Variants in HEBP1 observed in about 807,000 individuals in gnomAD.
The protein encoded by HEBP1 is heme-binding protein 1.
HEBP1 carries 13 observed loss-of-function variants against 20.4 expected under a neutral mutation model. That is an observed-to-expected ratio of 0.64 (90% CI 0.42 to 1.01). The LOEUF (loss-of-function observed/expected upper bound fraction) is 1.01. Among genes scored for constraint, HEBP1 ranks in the 50% least tolerant of loss-of-function variants. The pLI is 0.00. For missense variants in HEBP1, 241 were observed against 247.3 expected, an observed-to-expected ratio of 0.97 and a Z score of 0.17; for synonymous variants, 92 against 90.7, an observed-to-expected ratio of 1.01 and a Z score of -0.08.
At chr12:12,995,124 C>T (rs747094655) in intron 1 of HEBP1, among the ~76,000 whole-genome samples, 1 of 152,210 alleles carries the variant, frequency 6.6e-6, no homozygotes, top group Non-Finnish European at 1.5e-5. Context: ...GAGCATTCTC[C>T]TCCTGCCTTT....
At chr12:12,987,409 C>G (rs139110817) in intron 2 of HEBP1, 77 bp from the exon 3 acceptor site, 2 of 1,121,612 alleles carry the variant, frequency 1.8e-6, no homozygotes, top group Non-Finnish European at 2.6e-6. Flanking sequence ...CACATTAGTT[C>G]CATTCGTCTT....
chr12:12,982,235 A>G (rs564496616), intron 3 of HEBP1, among the ~76,000 whole-genome samples: 1 of 152,352 alleles, frequency 6.6e-6, no homozygotes, highest in East Asian at 1.9e-4. Flanking sequence ...ATAGAGATAT[A>G]TAATGCAATT....
At chr12:12,999,672 C>A (rs886336365) in intron 1 of HEBP1, among the ~76,000 whole-genome samples, 1 of 152,340 alleles carries the variant, frequency 6.6e-6, no homozygotes, top group African/African-American at 2.4e-5. Flanking sequence ...GAGTTTCTTG[C>A]GACACTCATT....
At chr12:12,976,056 G>A (rs1387137699) in intron 3 of HEBP1, among the ~76,000 whole-genome samples, 1 of 139,448 alleles carries the variant, frequency 7.2e-6, no homozygotes, top group Middle Eastern at 3.7e-3. Flanking sequence ...AGGCTAGCCT[G>A]GGCAACACAA....
chr12:12,988,999 A>G (rs1185322149), intron 2 of HEBP1, among the ~76,000 whole-genome samples: 2 of 152,228 alleles, frequency 1.3e-5, no homozygotes, highest in Non-Finnish European at 2.9e-5. Context: ...GTTAAAAAAA[A>G]AATAGAGCCT....
intron 2 of HEBP1, 37 bp from the exon 3 acceptor site, chr12:12,987,369 G>C: frequency 6.4e-7 from 1 of 1,571,686 alleles, no homozygotes; most frequent in Admixed American, 1.7e-5. Flanking sequence ...GCAGGGATCA[G>C]AGACAGAGCT....
rs1018487769 is a variant in HEBP1 at position 12,987,323 on chromosome 12, A to T, written c.227T>A (p.Met76Lys). 1.2e-6 allele frequency: 2 copies of T among 1,612,756 alleles called. No individual in the cohort carries two copies. Among genetic ancestry groups the T allele is most frequent in the Admixed American group, 1.7e-5 (1 of 59,842 alleles). ...AAAGGAAATAGGGACTGTCATCCCCATCCCAATTCCTGAAAACACAAAAGC... is the reference window on the plus strand; with the variant it reads ...AAAGGAAATAGGGACTGTCATCCCCTTCCCAATTCCTGAAAACACAAAAGC... ...AGGTNDKGIGMGMTVPISFAV... is the reference protein window; with the variant it reads ...AGGTNDKGIGKGMTVPISFAV... The change falls in exon 3 of 4, where the codon ATG becomes AAG. Residue 76 changes from methionine to lysine, a missense_variant. Coordinates refer to ENST00000014930, the MANE Select transcript of HEBP1 (RefSeq NM_015987.5).
Position 12,998,589 on chromosome 12 carries a change from A to G in HEBP1, c.78+1448T>C, listed in dbSNP as rs1002199004. On this transcript the variant is annotated intron_variant, in intron 1 of 3. Coordinates refer to ENST00000014930, the MANE Select transcript of HEBP1 (RefSeq NM_015987.5). This position sits in a 1 kb window ranked among gnomAD's most constrained non-coding sequence, Gnocchi z 4.2. ...ATCAGGGCTAAACTGTTCATTCTAC[A>G]TAGAGCTGGGGAAACGGAGATAAGA... 1.3e-5 allele frequency among the ~76,000 whole-genome samples: 2 copies of G among 152,184 alleles called. No individual in the cohort carries two copies. Among genetic ancestry groups the G allele is most frequent in the Non-Finnish European group, 2.9e-5 (2 of 68,026 alleles).
At chr12:12,989,176 A>G in intron 2 of HEBP1, 101 bp downstream of exon 2, 2 of 1,277,226 alleles carry the variant, frequency 1.6e-6, no homozygotes, top group Non-Finnish European at 2.3e-6. Flanking sequence ...ACAGGTCACT[A>G]CAGGTGCCTT....
chr12:12,985,034 G>C (rs2136543326), intron 3 of HEBP1, among the ~76,000 whole-genome samples: 1 of 151,878 alleles, frequency 6.6e-6, no homozygotes, highest in East Asian at 1.9e-4. Flanking sequence ...TGTACTCCCA[G>C]CTACTTGGGA....
intron 3 of HEBP1, among the ~76,000 whole-genome samples, chr12:12,978,790 G>C (rs184077990): frequency 2.0e-5 from 3 of 152,292 alleles, no homozygotes; most frequent in African/African-American, 7.2e-5. Flanking sequence ...GGGATTAAAG[G>C]CTGAAGAGTA....
In HEBP1 at chr12:12,987,612, T is replaced by TCTCTCTCTCTC. The variant is rs1230851526; in HGVS notation, c.218-281_218-280insGAGAGAGAGAG. The stretch of plus-strand genomic sequence containing the variant: ...TCTTTCTCTCTCTCTCTCTCTCTCT[T>TCTCTCTCTCTC]TCTCTCTCTCTCTCTCTCTCTCTTT... On this transcript the variant is annotated intron_variant, in intron 2 of 3. Coordinates refer to ENST00000014930, the MANE Select transcript of HEBP1 (RefSeq NM_015987.5). Among the ~76,000 whole-genome samples, 229 of 117,822 alleles carry TCTCTCTCTCTC rather than the reference T, an allele frequency of 1.9e-3. 10 individuals carry two copies. Among genetic ancestry groups the TCTCTCTCTCTC allele is most frequent in the African/African-American group, 6.4e-3 (208 of 32,598 alleles). The allele number at this position is 117,822 out of a possible 152,430, so 77.3% of individuals were successfully genotyped here.
At chr12:12,980,532 G>C (rs1156633294) in intron 3 of HEBP1, 1 of 152,244 alleles carries the variant, frequency 6.6e-6, no homozygotes, top group Non-Finnish European at 1.5e-5. Flanking sequence ...ACCTTGTTTG[G>C]AAATACAATA....
intron 2 of HEBP1, 121 bp downstream of exon 2, chr12:12,989,156 G>C (rs1402814020): frequency 9.6e-7 from 1 of 1,042,818 alleles, no homozygotes; most frequent in Non-Finnish European, 1.5e-6. Flanking sequence ...GAGGTTCACA[G>C]GTCATTGAAA....
chr12:12,993,833 T>C (rs891964537), intron 1 of HEBP1, among the ~76,000 whole-genome samples: 5 of 152,168 alleles, frequency 3.3e-5, no homozygotes, highest in African/African-American at 1.2e-4. Flanking sequence ...AATGTTATCA[T>C]CTAATGATAT....
chr12:12,976,075 G>T (rs1318752331), intron 3 of HEBP1, among the ~76,000 whole-genome samples: 31 of 66,190 alleles, frequency 4.7e-4, no homozygotes, highest in Non-Finnish European at 6.6e-4. Context: ...AAGACCCTGT[G>T]TCAAAAAAAA....
intron 3 of HEBP1, among the ~76,000 whole-genome samples, chr12:12,981,497 A>G (rs754481540): frequency 2.0e-5 from 3 of 151,254 alleles, no homozygotes; most frequent in African/African-American, 4.9e-5. Context: ...AGGCTGAGAC[A>G]CAGAATCTTA....
intron 1 of HEBP1, among the ~76,000 whole-genome samples, chr12:12,993,124 CCCCT>C (rs752729041): frequency 0.03 from 3,156 of 105,794 alleles, 123 homozygotes; most frequent in East Asian, 0.11. Context: ...CTTTCGTTTC[CCCCT>C]CCCTCCCTCC....
chr12:13,000,137 C>T lies in HEBP1; in HGVS notation c.-23G>A. ...CATGTTGTAGCCGAGACGCTCCCGA[C>T]GCACGGGAGGACGTGAGGTGGCGGG... On this transcript the variant is annotated 5_prime_UTR_variant, in exon 1 of 4. Transcript: ENST00000014930. The T allele has an allele frequency of 6.3e-7, 1 of 1,576,058 alleles. No homozygotes were observed. Among genetic ancestry groups the T allele is most frequent in the South Asian group, 1.1e-5 (1 of 87,350 alleles).
Sources: allele counts gnomAD v4.1 joint callset (sites outside exome capture counted in the v4.1 genomes callset), GRCh38; gene constraint gnomAD v4.1.1; non-coding constraint Gnocchi (gnomAD v3.1); transcripts MANE v1.5; gene names NCBI Gene and HGNC (gene_info 2026-07-23, HGNC 2026-07-21).